The following MGMT variants were observed in gnomAD, a reference collection of about 807,000 sequenced individuals.
The protein encoded by MGMT is O-6-methylguanine-DNA methyltransferase, also known as methylated-DNA--protein-cysteine methyltransferase.
A neutral mutation model predicts 15.9 loss-of-function variants in MGMT; 14 were observed. The observed-to-expected ratio is 0.88, with a 90% CI of 0.58 to 1.37. The LOEUF (loss-of-function observed/expected upper bound fraction) is 1.37. MGMT is among the 40% of genes most tolerant of loss of function. The pLI, the probability that MGMT is intolerant of heterozygous loss-of-function variation, is 0.00. For missense variants in MGMT, 282 were observed against 268.1 expected, an observed-to-expected ratio of 1.05 and a Z score of -0.36; for synonymous variants, 130 against 118.2, an observed-to-expected ratio of 1.10 and a Z score of -0.65.
chr10:129,504,422 TTG>T (rs1244950374), intron 1 of MGMT, among the ~76,000 whole-genome samples: 1 of 152,218 alleles, frequency 6.6e-6, no homozygotes, highest in Admixed American at 6.5e-5. Context: ...GCAGAAAATT[TTG>T]TGTTTGCAGT....
chr10:129,481,054 A>C (rs920138962), intron 1 of MGMT, among the ~76,000 whole-genome samples: 9 of 152,218 alleles, frequency 5.9e-5, no homozygotes, highest in African/African-American at 2.2e-4. Flanking sequence ...GGCATTCTGA[A>C]GTGAACCTGC....
At chr10:129,478,254 T>G (rs1845317896) in intron 1 of MGMT, among the ~76,000 whole-genome samples, 1 of 152,102 alleles carries the variant, frequency 6.6e-6, no homozygotes, top group African/African-American at 2.4e-5. Context: ...CCCTCCAGAT[T>G]GGTCAGTATA....
chr10:129,556,820 A>G lies in MGMT; in HGVS notation c.125+20443A>G, dbSNP rs1846219341. On this transcript the variant is annotated intron_variant, in intron 2 of 4. Coordinates refer to ENST00000651593, the MANE Select transcript of MGMT (RefSeq NM_002412.5). This position sits in a 1 kb window ranked among gnomAD's most constrained non-coding sequence, Gnocchi z 4.3. The stretch of plus-strand genomic sequence containing the variant: ...TGGTGAGCAATGTTAGTCCCAAATC[A>G]CTTTTTCACAACTTGTTTCTGTTCT... 6.6e-6 allele frequency among the ~76,000 whole-genome samples: 1 copy of G among 152,176 alleles called. No homozygotes were observed. Among genetic ancestry groups the G allele is most frequent in the African/African-American group, 2.4e-5 (1 of 41,430 alleles).
intron 1 of MGMT, among the ~76,000 whole-genome samples, chr10:129,496,204 G>T (rs1845519488): frequency 6.6e-6 from 1 of 152,148 alleles, no homozygotes; most frequent in African/African-American, 2.4e-5. Flanking sequence ...CAGGAAACTT[G>T]AATGCCTGGA....
Position 129,556,535 on chromosome 10 carries a change from C to A in MGMT, c.125+20158C>A, listed in dbSNP as rs560841554. ...CAGGGCTTCGTCAGGGCAGCCCTGG[C>A]GGAAGAACGCAGCCTCGTCGGTGGG... On this transcript the variant is annotated intron_variant, in intron 2 of 4. Transcript: ENST00000651593. This position sits in a 1 kb window ranked among gnomAD's most constrained non-coding sequence, Gnocchi z 4.3. Among the ~76,000 whole-genome samples the A allele has an allele frequency of 6.6e-6, 1 of 152,126 alleles. No homozygotes were observed. Among genetic ancestry groups the A allele is most frequent in the Non-Finnish European group, 1.5e-5 (1 of 68,034 alleles).
chr10:129,670,348 A>T (rs1253750141), intron 2 of MGMT, among the ~76,000 whole-genome samples: 1 of 152,150 alleles, frequency 6.6e-6, no homozygotes, highest in Non-Finnish European at 1.5e-5. Context: ...CCGAAGTAGT[A>T]CTTTCTCATT....
rs1845982162 is a variant in MGMT at position 129,536,235 on chromosome 10, GT to G, written c.-12-3del. On this transcript the variant is annotated splice_region_variant and splice_polypyrimidine_tract_variant and intron_variant, in intron 1 of 4. Coordinates refer to ENST00000651593, the MANE Select transcript of MGMT (RefSeq NM_002412.5). ...ACACTTTGTCTTAAAAATTATTTCT[GT>G]TTAGGTACTTGGAAAAATGGACAAG... 1.2e-6 allele frequency: 2 copies of G among 1,613,582 alleles called. No individual in the cohort carries two copies. Among genetic ancestry groups the G allele is most frequent in the African/African-American group, 2.7e-5 (2 of 74,886 alleles).
intron 3 of MGMT, among the ~76,000 whole-genome samples, chr10:129,710,956 T>A (rs1564770049): frequency 3.9e-5 from 6 of 152,168 alleles, no homozygotes. Context: ...TGAGACCAGG[T>A]TTATCTATTT....
chr10:129,471,943 C>T (rs1266349433), intron 1 of MGMT, among the ~76,000 whole-genome samples: 1 of 152,204 alleles, frequency 6.6e-6, no homozygotes, highest in African/African-American at 2.4e-5. Context: ...GCAAACCCAA[C>T]ATGTTATTAT....
At chr10:129,687,104 T>C (rs1220568749) in intron 2 of MGMT, among the ~76,000 whole-genome samples, 2 of 152,244 alleles carry the variant, frequency 1.3e-5, no homozygotes, top group South Asian at 2.1e-4. Flanking sequence ...TCTCAGCAAG[T>C]GTGCTGAACC....
chr10:129,762,655 A>G (rs1421104955), intron 4 of MGMT, among the ~76,000 whole-genome samples: 2 of 152,194 alleles, frequency 1.3e-5, no homozygotes, highest in East Asian at 1.9e-4. Context: ...ATGCAGTTCA[A>G]AGGCAATCGA....
chr10:129,536,211 C>A lies in MGMT; in HGVS notation c.-12-30C>A, dbSNP rs777234896. 3.1e-6 allele frequency: 5 copies of A among 1,612,612 alleles called. No individual in the cohort carries two copies. The South Asian group carries it at 5.5e-5, about 18-fold the overall frequency. ...ATATACGACCAGCCTCTTACCTATA[C>A]ACTTTGTCTTAAAAATTATTTCTGT... On this transcript the variant is annotated intron_variant, in intron 1 of 4. Coordinates refer to ENST00000651593, the MANE Select transcript of MGMT (RefSeq NM_002412.5).
Position 129,561,765 on chromosome 10 carries a change from G to T in MGMT, c.125+25388G>T, listed in dbSNP as rs575163705. Among the ~76,000 whole-genome samples the T allele has an allele frequency of 6.6e-4, 101 of 152,172 alleles. 1 individual carries two copies. The highest frequency in any genetic ancestry group is 2.1e-3 in the African/African-American group (89 of 41,502). ...TTATTGTCATAATTTTTGTTTAATG[G>T]CTGTTTGTGCTACATTGACCAGGTC... On this transcript the variant is annotated intron_variant, in intron 2 of 4. Transcript: ENST00000651593.
chr10:129,652,331 G>A (rs1847469509), intron 2 of MGMT, among the ~76,000 whole-genome samples: 1 of 152,210 alleles, frequency 6.6e-6, no homozygotes, highest in Admixed American at 6.5e-5. Context: ...GTAGAGTGGA[G>A]GGAAAAGTGT....
intron 1 of MGMT, among the ~76,000 whole-genome samples, chr10:129,472,440 G>A (rs1845242215): frequency 1.3e-5 from 2 of 152,062 alleles, no homozygotes; most frequent in African/African-American, 2.4e-5. Flanking sequence ...AGGATGAAAC[G>A]AGAAGACGGC....
At chr10:129,517,845 C>G (rs1203228089) in intron 1 of MGMT, among the ~76,000 whole-genome samples, 1 of 152,216 alleles carries the variant, frequency 6.6e-6, no homozygotes, top group African/African-American at 2.4e-5. Flanking sequence ...CCCGGGACTG[C>G]TGATTGAATG....
intron 1 of MGMT, among the ~76,000 whole-genome samples, chr10:129,507,401 CG>C (rs1274282747): frequency 1.3e-5 from 2 of 152,210 alleles, no homozygotes; most frequent in East Asian, 1.9e-4. Context: ...CAGTTTGGTG[CG>C]GGCCGCCCTG....
chr10:129,533,713 T>G lies in MGMT; in HGVS notation c.-12-2528T>G, dbSNP rs1845956727. ...TTCCACAAGTATTTTATGAGCCCCT[T>G]GTGTGTGTGATGTGTGCTGTTCTTC... On this transcript the variant is annotated intron_variant, in intron 1 of 4. Transcript: ENST00000651593. This position sits in a 1 kb window ranked among gnomAD's most constrained non-coding sequence, Gnocchi z 4.5. Among the ~76,000 whole-genome samples, 1 of 151,862 alleles carries G rather than the reference T, an allele frequency of 6.6e-6. No individual in the cohort carries two copies. Among genetic ancestry groups the G allele is most frequent in the African/African-American group, 2.4e-5 (1 of 41,308 alleles).
chr10:129,657,140 C>T (rs1341196884), intron 2 of MGMT, among the ~76,000 whole-genome samples: 1 of 152,062 alleles, frequency 6.6e-6, no homozygotes, highest in Admixed American at 6.5e-5. Context: ...GGGACAGATA[C>T]CCTGTCTTGG....
Sources: allele counts gnomAD v4.1 joint callset (sites outside exome capture counted in the v4.1 genomes callset), GRCh38; gene constraint gnomAD v4.1.1; non-coding constraint Gnocchi (gnomAD v3.1); transcripts MANE v1.5; gene names NCBI Gene and HGNC (gene_info 2026-07-23, HGNC 2026-07-21).